The following CTNNA3 variants were observed in gnomAD, a reference collection of about 807,000 sequenced individuals.
CTNNA3 encodes catenin alpha 3, also known as catenin alpha-3.
Under a neutral mutation model 95.7 loss-of-function variants are expected in CTNNA3, and 76 were observed. That is an observed-to-expected ratio of 0.79 (90% CI 0.66 to 0.96). The LOEUF is 0.96. CTNNA3 is among the 40% of genes least tolerant of loss of function. CTNNA3 has a pLI of 0.00. For synonymous variants in CTNNA3, 431 were observed against 374.4 expected (o/e 1.15, Z -1.74); for missense variants, 1,191 against 1,089.8 (o/e 1.09, Z -1.31).
intron 5 of CTNNA3, among the ~76,000 whole-genome samples, chr10:67,410,567 C>G (rs1185386727): frequency 6.6e-6 from 1 of 151,392 alleles, no homozygotes; most frequent in Non-Finnish European, 1.5e-5. Context: ...GAAAAGGGAA[C>G]TCTTCCACAC....
intron 17 of CTNNA3, among the ~76,000 whole-genome samples, chr10:65,961,086 G>A (rs1010756702): frequency 6.6e-6 from 1 of 151,732 alleles, no homozygotes; most frequent in African/African-American, 2.4e-5. Context: ...TCTTCTGGTC[G>A]CTTTTTTTTC....
At chr10:66,846,387 G>A (rs566246157) in intron 7 of CTNNA3, among the ~76,000 whole-genome samples, 1 of 152,050 alleles carries the variant, frequency 6.6e-6, no homozygotes, top group South Asian at 2.1e-4. Context: ...GAGATCTAAT[G>A]TATAGCGTGG....
At chr10:66,764,402 TG>T (rs1314406399) in intron 9 of CTNNA3, among the ~76,000 whole-genome samples, 12 of 152,190 alleles carry the variant, frequency 7.9e-5, no homozygotes, top group African/African-American at 2.2e-4. Context: ...AGAGATAAGC[TG>T]ATTTAATTTG....
rs1294235877 is a variant in CTNNA3 at position 67,726,467 on chromosome 10, TATA to T, written c.-2+36964_-2+36966del. On this transcript the variant is annotated intron_variant, in intron 1 of 17. Coordinates refer to the CTNNA3 transcript ENST00000684154. ...ATATAATATTATATATGATATATGA[TATA>T]ATATTATATATTATATCATATACAA... Among the ~76,000 whole-genome samples, 129 of 67,228 alleles carry T rather than the reference TATA, an allele frequency of 1.9e-3. 4 individuals carry two copies. The East Asian group carries it at 0.052, about 27-fold the overall frequency. The allele number at this position is 67,228 out of a possible 152,430, so 44.1% of individuals were successfully genotyped here. A position where few individuals can be genotyped will look rare whatever the true frequency, so the allele number is the denominator to read the frequency against.
chr10:67,055,423 C>G (rs1855363557), intron 7 of CTNNA3, among the ~76,000 whole-genome samples: 1 of 104,100 alleles, frequency 9.6e-6, no homozygotes, highest in African/African-American at 3.6e-5. Context: ...GAACTTTACA[C>G]AGTTCCTGTC....
chr10:66,200,144 G>A (rs1015107873), intron 13 of CTNNA3, among the ~76,000 whole-genome samples: 8 of 149,830 alleles, frequency 5.3e-5, no homozygotes, highest in African/African-American at 2.0e-4. Context: ...CTCATATATT[G>A]TCTTGAAGAG....
intron 7 of CTNNA3, chr10:66,926,231 T>C (rs576341280): frequency 2.2e-6 from 1 of 454,620 alleles, no homozygotes; most frequent in East Asian, 5.2e-5. Context: ...ATACATCATG[T>C]TTTTCGATAA....
intron 11 of CTNNA3, among the ~76,000 whole-genome samples, chr10:66,432,999 T>C (rs756106101): frequency 7.9e-5 from 12 of 152,348 alleles, no homozygotes; most frequent in African/African-American, 2.9e-4. Context: ...TATGGCTGCA[T>C]AGTATTCTAT....
At chr10:66,742,724 C>T (rs934693921) in intron 9 of CTNNA3, among the ~76,000 whole-genome samples, 1 of 152,144 alleles carries the variant, frequency 6.6e-6, no homozygotes, top group African/African-American at 2.4e-5. Context: ...GTGAATTTCA[C>T]CCAATACACC....
intron 9 of CTNNA3, among the ~76,000 whole-genome samples, chr10:66,715,031 T>C (rs1848408582): frequency 6.6e-6 from 1 of 152,186 alleles, no homozygotes; most frequent in South Asian, 2.1e-4. Flanking sequence ...CCTTTTTGCC[T>C]TTTCCTAGTG....
intron 5 of CTNNA3, among the ~76,000 whole-genome samples, chr10:67,407,565 G>A (rs1845184677): frequency 6.6e-6 from 1 of 152,156 alleles, no homozygotes; most frequent in Non-Finnish European, 1.5e-5. Flanking sequence ...GTTCTGACCA[G>A]GGAAATCAGG....
chr10:67,332,017 A>C (rs1191703245), intron 5 of CTNNA3, among the ~76,000 whole-genome samples: 1 of 152,214 alleles, frequency 6.6e-6, no homozygotes, highest in Non-Finnish European at 1.5e-5. Context: ...GACTGAATGA[A>C]TGAAGTGCTA....
At chr10:67,245,400 T>A (rs1865866719) in intron 5 of CTNNA3, among the ~76,000 whole-genome samples, 1 of 152,240 alleles carries the variant, frequency 6.6e-6, no homozygotes, top group Non-Finnish European at 1.5e-5. Flanking sequence ...ATGTTTGTTT[T>A]CTGTCTTCTC....
At chr10:67,489,899 A>G (rs984291644) in intron 5 of CTNNA3, among the ~76,000 whole-genome samples, 4 of 151,926 alleles carry the variant, frequency 2.6e-5, no homozygotes, top group African/African-American at 9.7e-5. Flanking sequence ...AACTAGATAA[A>G]GTTGCTTTGG....
intron 17 of CTNNA3, among the ~76,000 whole-genome samples, chr10:65,959,981 T>G (rs1272256026): frequency 6.6e-6 from 1 of 152,164 alleles, no homozygotes; most frequent in Non-Finnish European, 1.5e-5. Flanking sequence ...TCTCAAAAAC[T>G]TGCTGTGAAC....
chr10:67,306,722 T>C (rs1425246404), intron 5 of CTNNA3, among the ~76,000 whole-genome samples: 1 of 152,116 alleles, frequency 6.6e-6, no homozygotes, highest in Non-Finnish European at 1.5e-5. Flanking sequence ...TCACACTGCA[T>C]TGGACCATTT....
intron 9 of CTNNA3, among the ~76,000 whole-genome samples, chr10:66,635,706 A>C (rs528575330): frequency 6.6e-6 from 1 of 152,216 alleles, no homozygotes; most frequent in South Asian, 2.1e-4. Flanking sequence ...CTGATTCCCT[A>C]ACTAATCACG....
intron 7 of CTNNA3, among the ~76,000 whole-genome samples, chr10:67,039,515 GTGA>G (rs939764160): frequency 3.3e-5 from 5 of 152,034 alleles, no homozygotes; most frequent in African/African-American, 1.2e-4. Flanking sequence ...TTACCTATGG[GTGA>G]TGCATAATAA....
At chr10:67,041,835 T>C (rs1463330886) in intron 7 of CTNNA3, among the ~76,000 whole-genome samples, 4 of 152,260 alleles carry the variant, frequency 2.6e-5, no homozygotes, top group East Asian at 1.9e-4. Flanking sequence ...AGCTGATATA[T>C]TGTATTCAGG....
Sources: allele counts gnomAD v4.1 joint callset (sites outside exome capture counted in the v4.1 genomes callset), GRCh38; gene constraint gnomAD v4.1.1; transcripts MANE v1.5; gene names NCBI Gene and HGNC (gene_info 2026-07-23, HGNC 2026-07-21).